MATR3: variants seen among roughly 807,000 people sequenced by gnomAD.
MATR3 encodes matrin 3, also known as matrin-3.
MATR3 carries 4 observed loss-of-function variants against 85.5 expected under a neutral mutation model. The observed-to-expected ratio is 0.05, with a 90% CI of 0.02 to 0.11. The LOEUF is 0.11. Among genes scored for constraint, MATR3 ranks in the 10% least tolerant of loss-of-function variants. The probability of loss-of-function intolerance (pLI) is 1.00; values close to 1 mark genes in which losing one functional copy is unlikely to be tolerated. For missense variants in MATR3, 685 were observed against 1,016.1 expected (o/e 0.67, Z 4.43); for synonymous variants, 336 against 343.1 (o/e 0.98, Z 0.23).
At chr5:139,290,364 C>T (rs545467979), upstream of MATR3, among the ~76,000 whole-genome samples, 1 of 149,512 alleles carries the variant, frequency 6.7e-6, no homozygotes, top group African/African-American at 2.5e-5. Flanking sequence ...AGGCTGGTCT[C>T]GAACTCCTGA....
At chr5:139,274,948 ATATT>A (rs1184593973) in intron 1 of MATR3, among the ~76,000 whole-genome samples, 3 of 151,578 alleles carry the variant, frequency 2.0e-5, no homozygotes, top group Non-Finnish European at 4.4e-5. Flanking sequence ...CTGTGTAGGA[ATATT>A]TATTATCATT....
intron 9 of MATR3, among the ~76,000 whole-genome samples, chr5:139,320,657 A>G (rs943349810): frequency 1.2e-4 from 18 of 151,940 alleles, no homozygotes; most frequent in African/African-American, 3.4e-4. Flanking sequence ...TTTTTGTTTT[A>G]AACACTTCTG....
chr5:139,321,821 G>A, intron 9 of MATR3, 77 bp from the exon 10 acceptor site: 8 of 1,456,456 alleles, frequency 5.5e-6, no homozygotes, highest in Admixed American at 3.9e-5. Flanking sequence ...CTAACCAGTA[G>A]GTAGAATACA....
chr5:139,325,727 A>G, intron 13 of MATR3, 65 bp downstream of exon 13: 1 of 1,434,574 alleles, frequency 7.0e-7, no homozygotes, highest in South Asian at 1.2e-5. Context: ...TAGGTTTTAA[A>G]ATAAGATTTT....
At chr5:139,288,634 T>G (rs983740196) in intron 3 of MATR3, among the ~76,000 whole-genome samples, 1 of 152,128 alleles carries the variant, frequency 6.6e-6, no homozygotes, top group African/African-American at 2.4e-5. Flanking sequence ...CATGGTGGGT[T>G]TAAACATCAT....
At chr5:139,289,508 G>A (rs768795293), upstream of MATR3, among the ~76,000 whole-genome samples, 1 of 152,216 alleles carries the variant, frequency 6.6e-6, no homozygotes, top group Non-Finnish European at 1.5e-5. Flanking sequence ...GCTCTCAACA[G>A]AAGACTTTCT....
At chr5:139,304,233 G>A (rs1183549257) in intron 1 of MATR3, among the ~76,000 whole-genome samples, 1 of 152,138 alleles carries the variant, frequency 6.6e-6, no homozygotes, top group Non-Finnish European at 1.5e-5. Context: ...CGGGCCAGGC[G>A]TGGTGGCTCA....
intron 14 of MATR3, 115 bp from the exon 15 acceptor site, chr5:139,329,230 C>CA (rs1756008574): frequency 1.3e-6 from 1 of 760,100 alleles, no homozygotes; most frequent in Non-Finnish European, 2.3e-6. Flanking sequence ...AAAATATTGA[C>CA]AAAATTATAG....
intron 1 of MATR3, among the ~76,000 whole-genome samples, chr5:139,274,932 T>C (rs1008980340): frequency 6.6e-6 from 1 of 151,060 alleles, no homozygotes; most frequent in Non-Finnish European, 1.5e-5. Flanking sequence ...TAAAAAAAAA[T>C]GGTGACTGTG....
chr5:139,323,884 T>C (rs1755706135), intron 12 of MATR3, among the ~76,000 whole-genome samples: 1 of 151,988 alleles, frequency 6.6e-6, no homozygotes, highest in East Asian at 1.9e-4. Flanking sequence ...AGAGCAAGAC[T>C]GTCTCAAGAA....
chr5:139,277,812 T>C (rs894862552), intron 2 of MATR3, among the ~76,000 whole-genome samples: 4 of 149,916 alleles, frequency 2.7e-5, no homozygotes, highest in African/African-American at 9.8e-5. Flanking sequence ...TTATATGGGG[T>C]ACAACATGAG....
At chr5:139,309,429 C>T (rs1581236795) in intron 2 of MATR3, among the ~76,000 whole-genome samples, 1 of 152,102 alleles carries the variant, frequency 6.6e-6, no homozygotes, top group Non-Finnish European at 1.5e-5. Context: ...ATAGCTAATC[C>T]TTTGATAAGC....
intron 11 of MATR3, 40 bp downstream of exon 11, chr5:139,322,546 A>G (rs773057744): frequency 7.0e-6 from 11 of 1,568,010 alleles, no homozygotes; most frequent in Non-Finnish European, 8.7e-6. Context: ...AGTATATTCA[A>G]CTTTACTTTT....
intron 1 of MATR3, among the ~76,000 whole-genome samples, chr5:139,306,489 TG>T (rs1041835731): frequency 2.0e-5 from 3 of 152,180 alleles, no homozygotes; most frequent in African/African-American, 7.2e-5. Flanking sequence ...GGTTTTTTCT[TG>T]GGAGGGCTCC....
intron 14 of MATR3, among the ~76,000 whole-genome samples, chr5:139,327,881 G>A (rs1755940393): frequency 1.3e-5 from 2 of 150,326 alleles, no homozygotes; most frequent in Admixed American, 6.6e-5. Flanking sequence ...TTTTATTTGA[G>A]ACAGAATTTT....
At position 139,314,958 on chromosome 5, in the gene MATR3, A is replaced by G. The variant is rs1470086218; in HGVS notation, c.974+222A>G. On this transcript the variant is annotated intron_variant, in intron 3 of 14. Coordinates refer to ENST00000394805, the MANE Select transcript of MATR3 (RefSeq NM_018834.6). ...TTTTGTTATTTAACATTTCTAGGAT[A>G]CATATATATTGGTCATTATACAAAT... The G allele has an allele frequency of 1.7e-5, 8 of 481,598 alleles. No homozygotes were observed. In the East Asian group the frequency reaches 3.2e-4, roughly 19 times the overall value. The allele number at this position is 481,598 out of a possible 1,614,324, so 29.8% of individuals were successfully genotyped here.
At chr5:139,293,726 C>T (rs946815028), upstream of MATR3, 55 of 361,888 alleles carry the variant, frequency 1.5e-4, no homozygotes, top group Non-Finnish European at 2.5e-4. Flanking sequence ...AGCGCCGTTG[C>T]TGCGGGGGAT....
In MATR3 at chr5:139,315,677, A is replaced by C; in HGVS notation, c.975-20A>C. ...AAAGGACAGTTTTATTTTAAAGTTA[A>C]TTTTCTGGTCTTTTTAAAGCTACCC... On this transcript the variant is annotated intron_variant, in intron 3 of 14. Coordinates refer to ENST00000394805, the MANE Select transcript of MATR3 (RefSeq NM_018834.6). The C allele has an allele frequency of 1.3e-6, 2 of 1,581,368 alleles. No individual in the cohort carries two copies. Among genetic ancestry groups the C allele is most frequent in the African/African-American group, 1.3e-5 (1 of 74,362 alleles).
intron 2 of MATR3, among the ~76,000 whole-genome samples, chr5:139,276,645 CA>C (rs1243953865): frequency 6.6e-6 from 1 of 152,078 alleles, no homozygotes; most frequent in Non-Finnish European, 1.5e-5. Flanking sequence ...ACCTTGGAAA[CA>C]GAACAAAGCT....
Sources: allele counts gnomAD v4.1 joint callset (sites outside exome capture counted in the v4.1 genomes callset), GRCh38; gene constraint gnomAD v4.1.1; transcripts MANE v1.5; gene names NCBI Gene and HGNC (gene_info 2026-07-23, HGNC 2026-07-21).